EXOC1: variants seen among roughly 807,000 people sequenced by gnomAD.
EXOC1 encodes exocyst complex component 1.
A neutral mutation model predicts 107.7 loss-of-function variants in EXOC1; 67 were observed. That is an observed-to-expected ratio of 0.62 (90% CI 0.51 to 0.76). The LOEUF is 0.76. Ranked by LOEUF, EXOC1 falls within the 30% of genes least tolerant of loss-of-function variation. EXOC1 has a pLI of 0.00. For missense variants in EXOC1, 833 were observed against 1,055.7 expected, an observed-to-expected ratio of 0.79 and a Z score of 2.92; for synonymous variants, 348 against 353.5, an observed-to-expected ratio of 0.98 and a Z score of 0.17.
At chr4:55,856,450 T>C (rs545763812) in intron 1 of EXOC1, among the ~76,000 whole-genome samples, 1 of 152,376 alleles carries the variant, frequency 6.6e-6, no homozygotes, top group South Asian at 2.1e-4. Context: ...ATGTGAATTT[T>C]ATGAGAAAAG....
chr4:55,877,744 G>A (rs1475227913), intron 8 of EXOC1, 173 bp from the exon 9 acceptor site: 15 of 984,336 alleles, frequency 1.5e-5, no homozygotes, highest in Middle Eastern at 5.2e-4. Context: ...ATATACACAG[G>A]ATATAAAAGT....
rs774592831 is a variant in EXOC1, at chr4:55,858,314, C to A, written c.-10C>A. 1.9e-6 allele frequency: 3 copies of A among 1,599,884 alleles called. No individual in the cohort carries two copies. The African/African-American group carries it at 4.0e-5, about 22-fold the overall frequency. ...AATATCTATACTCCACATTTTTCAG[C>A]TGAGAAAAGATGACAGCAATCAAGC... On this transcript the variant is annotated splice_region_variant and 5_prime_UTR_variant, in exon 2 of 19. It adds an upstream start codon to the 5' untranslated region. Coordinates refer to ENST00000381295, the MANE Select transcript of EXOC1 (RefSeq NM_001024924.2).
At chr4:55,890,079 C>T (rs952529961) in intron 11 of EXOC1, 144 bp from the exon 12 acceptor site, 23 of 702,962 alleles carry the variant, frequency 3.3e-5, no homozygotes, top group Non-Finnish European at 4.7e-5. Flanking sequence ...ACTATACCAC[C>T]TATCCCTTAT....
chr4:55,886,152 G>A (rs1014665684), intron 10 of EXOC1, among the ~76,000 whole-genome samples: 4 of 152,184 alleles, frequency 2.6e-5, no homozygotes, highest in African/African-American at 9.7e-5. Flanking sequence ...CTAGGCTAAT[G>A]TGTTTTCACC....
At chr4:55,870,321 C>CT (rs2110333893) in intron 5 of EXOC1, among the ~76,000 whole-genome samples, 1 of 152,312 alleles carries the variant, frequency 6.6e-6, no homozygotes, top group African/African-American at 2.4e-5. Flanking sequence ...ATAACATGGC[C>CT]TAATGCCTCC....
At chr4:55,889,269 G>T (rs1724241987) in intron 11 of EXOC1, among the ~76,000 whole-genome samples, 1 of 152,056 alleles carries the variant, frequency 6.6e-6, no homozygotes, top group Admixed American at 6.5e-5. Context: ...ATCTTTAATT[G>T]TACCTGTTCT....
chr4:55,882,443 A>T (rs1168337532), intron 9 of EXOC1, among the ~76,000 whole-genome samples: 1 of 152,208 alleles, frequency 6.6e-6, no homozygotes, highest in African/African-American at 2.4e-5. Flanking sequence ...CCAGGAAAAA[A>T]GGTATCTAAG....
chr4:55,886,510 G>C (rs1330367907), intron 10 of EXOC1, among the ~76,000 whole-genome samples: 2 of 147,484 alleles, frequency 1.4e-5, no homozygotes, highest in African/African-American at 2.5e-5. Context: ...CCATGATTGT[G>C]CCACTACACT....
Position 55,864,211 on chromosome 4 carries a change from T to A in EXOC1, c.256-16T>A, listed in dbSNP as rs775950103. ...ATGTGATCAAAAATAATATCTTTTG[T>A]ATATTTTTATTTTAGGAAAATCCTG... On this transcript the variant is annotated splice_polypyrimidine_tract_variant and intron_variant, in intron 3 of 18. Coordinates refer to ENST00000381295, the MANE Select transcript of EXOC1 (RefSeq NM_001024924.2). 2.1e-6 allele frequency: 3 copies of A among 1,435,470 alleles called. No homozygotes were observed. The East Asian group carries it at 7.4e-5, about 35-fold the overall frequency. The allele number at this position is 1,435,470 out of a possible 1,614,324, so 88.9% of individuals were successfully genotyped here. A position where few individuals can be genotyped will look rare whatever the true frequency, so the allele number is the denominator to read the frequency against.
intron 2 of EXOC1, 65 bp from the exon 3 acceptor site, chr4:55,860,346 T>G: frequency 1.9e-6 from 3 of 1,591,230 alleles, no homozygotes; most frequent in Non-Finnish European, 2.6e-6. Flanking sequence ...ATACTTGCAA[T>G]GAGTGAATGA....
At chr4:55,886,093 C>T (rs990828437) in intron 10 of EXOC1, among the ~76,000 whole-genome samples, 2 of 152,058 alleles carry the variant, frequency 1.3e-5, no homozygotes, top group South Asian at 2.1e-4. Flanking sequence ...ATGAAATATT[C>T]AATACTTTAT....
intron 4 of EXOC1, among the ~76,000 whole-genome samples, chr4:55,868,065 T>G (rs547794350): frequency 6.6e-5 from 10 of 152,332 alleles, no homozygotes; most frequent in African/African-American, 2.4e-4. Context: ...AATTGTATTT[T>G]GGGAAACTGT....
chr4:55,904,235 A>G, intron 18 of EXOC1, 108 bp from the exon 19 acceptor site: 1 of 1,091,806 alleles, frequency 9.2e-7, no homozygotes, highest in Non-Finnish European at 1.2e-6. Context: ...GCATGTTCCT[A>G]GCTACTATAC....
At chr4:55,876,655 T>C (rs1309869386) in intron 8 of EXOC1, 1 of 985,242 alleles carries the variant, frequency 1.0e-6, no homozygotes, top group East Asian at 1.1e-4. Flanking sequence ...TTCTAGTTCT[T>C]GTTATTTTGA....
chr4:55,890,517 T>C (rs1463342070), intron 12 of EXOC1, 131 bp downstream of exon 12: 1 of 481,830 alleles, frequency 2.1e-6, no homozygotes, highest in Non-Finnish European at 3.4e-6. Flanking sequence ...TCTTTCCAAC[T>C]GAATCGAATC....
chr4:55,872,068 C>T, intron 8 of EXOC1, 110 bp downstream of exon 8: 1 of 960,224 alleles, frequency 1.0e-6, no homozygotes, highest in South Asian at 1.8e-5. Context: ...CAGTCAATTC[C>T]TTCACATATT....
At chr4:55,899,985 G>A in intron 17 of EXOC1, 101 bp downstream of exon 17, 1 of 1,015,924 alleles carries the variant, frequency 9.8e-7, no homozygotes, top group Non-Finnish European at 1.4e-6. Context: ...TTTCTCATGT[G>A]TTGGTGCACA....
chr4:55,900,245 CT>C, intron 17 of EXOC1, among the ~76,000 whole-genome samples: 1 of 152,166 alleles, frequency 6.6e-6, no homozygotes, highest in South Asian at 2.1e-4. Flanking sequence ...ATCATAATAG[CT>C]TATAAATTAC....
intron 8 of EXOC1, chr4:55,875,726 A>G: frequency 2.0e-6 from 2 of 985,398 alleles, no homozygotes; most frequent in Non-Finnish European, 2.4e-6. Context: ...GTATGATATA[A>G]GTCTGTCAAA....
Sources: allele counts gnomAD v4.1 joint callset (sites outside exome capture counted in the v4.1 genomes callset), GRCh38; gene constraint gnomAD v4.1.1; transcripts MANE v1.5; gene names NCBI Gene and HGNC (gene_info 2026-07-23, HGNC 2026-07-21).